Variants in CNIH3 observed in about 807,000 individuals in gnomAD.
CNIH3 encodes the protein protein cornichon homolog 3.
A neutral mutation model predicts 24.1 loss-of-function variants in CNIH3; 14 were observed. That is an observed-to-expected ratio of 0.58 (90% CI 0.38 to 0.91). The LOEUF is 0.91. Among genes scored for constraint, CNIH3 ranks in the 40% least tolerant of loss-of-function variants. The pLI is 0.00. For synonymous variants in CNIH3, 68 were observed against 73.8 expected, an observed-to-expected ratio of 0.92 and a Z score of 0.40; for missense variants, 178 against 196.8, an observed-to-expected ratio of 0.90 and a Z score of 0.57.
chr1:224,670,689 G>A (rs560124896), intron 1 of CNIH3, among the ~76,000 whole-genome samples: 2 of 152,328 alleles, frequency 1.3e-5, no homozygotes, highest in Admixed American at 6.5e-5. Context: ...GTGCCAAGAT[G>A]TGGGATGCCA....
intron 4 of CNIH3, among the ~76,000 whole-genome samples, chr1:224,733,138 A>G (rs1281066880): frequency 6.6e-6 from 1 of 152,106 alleles, no homozygotes; most frequent in East Asian, 1.9e-4. Context: ...TTGACTCAGT[A>G]CCTGTTCTTC....
intron 2 of CNIH3, 61 bp downstream of exon 2, chr1:224,681,087 A>C: frequency 7.5e-7 from 1 of 1,340,078 alleles, no homozygotes. Flanking sequence ...AGGGCCTGGG[A>C]AGGAGGGTGA....
chr1:224,470,137 G>A (rs1676310767), intron 1 of CNIH3, among the ~76,000 whole-genome samples: 1 of 151,458 alleles, frequency 6.6e-6, no homozygotes, highest in Admixed American at 6.6e-5. Context: ...TCCTGCCTCA[G>A]CCTCCTGAGT....
chr1:224,672,385 G>GT (rs1267078587), intron 1 of CNIH3, among the ~76,000 whole-genome samples: 2 of 152,186 alleles, frequency 1.3e-5, no homozygotes, highest in Non-Finnish European at 2.9e-5. Flanking sequence ...CAAATGGAGT[G>GT]TATTTGTTCC....
chr1:224,501,725 T>G (rs544513290), intron 1 of CNIH3, among the ~76,000 whole-genome samples: 7 of 151,776 alleles, frequency 4.6e-5, no homozygotes, highest in Non-Finnish European at 1.0e-4. Context: ...GGATTACAGG[T>G]GCGTGCCACC....
intron 3 of CNIH3, among the ~76,000 whole-genome samples, chr1:224,606,980 G>T (rs912421904): frequency 2.6e-5 from 4 of 152,188 alleles, no homozygotes; most frequent in African/African-American, 4.8e-5. Flanking sequence ...TTAGATTTAA[G>T]TTATTTTAAA....
intron 1 of CNIH3, among the ~76,000 whole-genome samples, chr1:224,491,349 G>A (rs1677228245): frequency 6.6e-6 from 1 of 152,150 alleles, no homozygotes. Flanking sequence ...TCTGGGAATG[G>A]TGTGCTGGAA....
intron 3 of CNIH3, among the ~76,000 whole-genome samples, chr1:224,693,793 C>A (rs1169192128): frequency 6.6e-6 from 1 of 152,242 alleles, no homozygotes; most frequent in Non-Finnish European, 1.5e-5. Flanking sequence ...GTCTGCTGGT[C>A]TCCAGTATTC....
chr1:224,730,316 G>C, intron 3 of CNIH3, 146 bp from the exon 4 acceptor site: 1 of 611,832 alleles, frequency 1.6e-6, no homozygotes, highest in East Asian at 2.8e-5. Context: ...GATCTGTGTT[G>C]GGGCAGTGGC....
chr1:224,439,668 G>A (rs1009679674), intron 1 of CNIH3, among the ~76,000 whole-genome samples: 9 of 152,250 alleles, frequency 5.9e-5, no homozygotes, highest in African/African-American at 1.7e-4. Flanking sequence ...CTGGAGTGCA[G>A]TGGCGCAATC....
At chr1:224,691,119 C>A (rs777731810) in intron 3 of CNIH3, among the ~76,000 whole-genome samples, 5 of 152,206 alleles carry the variant, frequency 3.3e-5, no homozygotes, top group Non-Finnish European at 7.3e-5. Flanking sequence ...ATTATTAATG[C>A]TTCCTTACCC....
chr1:224,568,290 A>T (rs1413591819), intron 4 of CNIH3, among the ~76,000 whole-genome samples: 2 of 91,396 alleles, frequency 2.2e-5, no homozygotes, highest in Non-Finnish European at 5.1e-5. Flanking sequence ...CTCTGTCTCA[A>T]ACAAACAAGC....
chr1:224,734,423 G>T, intron 4 of CNIH3, 140 bp from the exon 5 acceptor site: 1 of 761,204 alleles, frequency 1.3e-6, no homozygotes. Flanking sequence ...CTTCAGCGGT[G>T]CTTCAACTGT....
chr1:224,729,685 G>T (rs1689219848), intron 3 of CNIH3, among the ~76,000 whole-genome samples: 1 of 151,940 alleles, frequency 6.6e-6, no homozygotes, highest in Admixed American at 6.6e-5. Flanking sequence ...TTACAACTTT[G>T]ATTTCTGATA....
chr1:224,524,994 C>G (rs1472096644), intron 2 of CNIH3, among the ~76,000 whole-genome samples: 2 of 152,150 alleles, frequency 1.3e-5, no homozygotes, highest in South Asian at 2.1e-4. Flanking sequence ...GTTGGGTGCT[C>G]TCTTGCCATT....
At chr1:224,575,125 T>A in intron 4 of CNIH3, 3 of 930,628 alleles carry the variant, frequency 3.2e-6, no homozygotes, top group Non-Finnish European at 5.4e-6. Flanking sequence ...CCTTCCCTCC[T>A]GGAAGATCCC....
At chr1:224,668,263 GC>G (rs1219993126) in intron 1 of CNIH3, among the ~76,000 whole-genome samples, 1 of 152,160 alleles carries the variant, frequency 6.6e-6, no homozygotes, top group African/African-American at 2.4e-5. Context: ...GCCACAGCTG[GC>G]ATTACTGCGT....
intron 1 of CNIH3, among the ~76,000 whole-genome samples, chr1:224,439,929 C>T (rs939636448): frequency 6.6e-6 from 1 of 152,246 alleles, no homozygotes; most frequent in African/African-American, 2.4e-5. Context: ...GCTGGGACTA[C>T]AGGCACCCAC....
At chr1:224,501,193 A>C (rs1677649929) in intron 1 of CNIH3, among the ~76,000 whole-genome samples, 1 of 151,674 alleles carries the variant, frequency 6.6e-6, no homozygotes, top group South Asian at 2.1e-4. Context: ...TGTATATTTG[A>C]CTCCTATATT....
Sources: allele counts gnomAD v4.1 joint callset (sites outside exome capture counted in the v4.1 genomes callset), GRCh38; gene constraint gnomAD v4.1.1; transcripts MANE v1.5; gene names NCBI Gene and HGNC (gene_info 2026-07-23, HGNC 2026-07-21).